The following HSPBAP1 variants were observed in gnomAD, a reference collection of about 807,000 sequenced individuals.
HSPBAP1 encodes the protein HSPB1-associated protein 1.
A neutral mutation model predicts 45.2 loss-of-function variants in HSPBAP1; 27 were observed. The ratio of observed to expected loss-of-function variants is 0.60; its 90% CI spans 0.44 to 0.82. HSPBAP1 has a LOEUF of 0.82. HSPBAP1 is among the 40% of genes least tolerant of loss of function. The pLI, the probability that HSPBAP1 is intolerant of heterozygous loss-of-function variation, is 0.00. For missense variants in HSPBAP1, 510 were observed against 590.9 expected (o/e 0.86, Z 1.42); for synonymous variants, 204 against 202.7 (o/e 1.01, Z -0.06).
In HSPBAP1 at chr3:122,777,715, T is replaced by C. The variant is rs759453844; in HGVS notation, c.250+6A>G. On this transcript the variant is annotated splice_donor_region_variant and intron_variant, in intron 2 of 7. Coordinates refer to ENST00000306103, the MANE Select transcript of HSPBAP1 (RefSeq NM_024610.6). The stretch of plus-strand genomic sequence containing the variant: ...ACATTATGATGGTGATTACCTATAG[T>C]CATACCTGTGCTCATGCTTTTCATC... 6.2e-7 allele frequency: 1 copy of C among 1,607,314 alleles called. No homozygotes were observed. The highest frequency in any genetic ancestry group is 8.5e-7 in the Non-Finnish European group (1 of 1,174,456).
At chr3:122,773,303 G>GC (rs1935068087) in intron 2 of HSPBAP1, among the ~76,000 whole-genome samples, 1 of 84,424 alleles carries the variant, frequency 1.2e-5, no homozygotes, top group African/African-American at 4.7e-5. Flanking sequence ...AAATAAATGT[G>GC]TTTTTTTTTT....
intron 6 of HSPBAP1, among the ~76,000 whole-genome samples, chr3:122,747,774 C>G (rs1171063601): frequency 1.4e-5 from 2 of 143,454 alleles, no homozygotes; most frequent in Middle Eastern, 3.8e-3. Flanking sequence ...GTCAGCCCCC[C>G]GCCCGGCCAG....
chr3:122,766,316 TAAG>T (rs1934779438), intron 3 of HSPBAP1, among the ~76,000 whole-genome samples: 2 of 152,178 alleles, frequency 1.3e-5, no homozygotes, highest in Admixed American at 6.5e-5. Context: ...CAGCAAGTAA[TAAG>T]ACTTGGTGGC....
chr3:122,777,961 C>A, intron 1 of HSPBAP1, 55 bp from the exon 2 acceptor site: 1 of 1,178,646 alleles, frequency 8.5e-7, no homozygotes, highest in South Asian at 1.4e-5. Context: ...TTTTTTCATA[C>A]AATATGGAGA....
chr3:122,754,956 C>A (rs1050257106), intron 5 of HSPBAP1: 18 of 1,057,334 alleles, frequency 1.7e-5, no homozygotes, highest in Middle Eastern at 4.2e-4. Flanking sequence ...ATGCCTTGAA[C>A]ATTTTCTCCT....
intron 1 of HSPBAP1, among the ~76,000 whole-genome samples, chr3:122,780,029 T>C (rs1471615119): frequency 6.6e-6 from 1 of 152,052 alleles, no homozygotes; most frequent in Non-Finnish European, 1.5e-5. Flanking sequence ...TGGGTACACC[T>C]CCCAGATGGG....
Position 122,781,361 on chromosome 3 carries a change from C to T in HSPBAP1, c.65-3455G>A, listed in dbSNP as rs556892436. On this transcript the variant is annotated intron_variant, in intron 1 of 7. Coordinates refer to ENST00000306103, the MANE Select transcript of HSPBAP1 (RefSeq NM_024610.6). ...CGTGGTTAGGAGCTGGAGACCGGCC[C>T]GGCCAACACAGCGAAACCCCGTCTC... Among the ~76,000 whole-genome samples, 5 of 152,304 alleles carry T rather than the reference C, an allele frequency of 3.3e-5. No individual in the cohort carries two copies. In the East Asian group the frequency reaches 5.8e-4, roughly 18 times the overall value.
At chr3:122,779,519 T>TATTTATTTATTC (rs1251648757) in intron 1 of HSPBAP1, among the ~76,000 whole-genome samples, 1 of 149,414 alleles carries the variant, frequency 6.7e-6, no homozygotes, top group African/African-American at 2.4e-5. Context: ...TTTATTTATT[T>TATTTATTTATTC]ATTTTTTATT....
Position 122,759,312 on chromosome 3 carries a change from T to C in HSPBAP1, c.481A>G (p.Ser161Gly). ...FGFPGRNGQESTLWIGSLGAH... is the reference protein window; with the variant it reads ...FGFPGRNGQEGTLWIGSLGAH... ...CCCAAGGAGCCAATCCACAATGTACTTTCCTGTCCATTTCTTCCAGGAAAC... is the reference window on the plus strand; with the variant it reads ...CCCAAGGAGCCAATCCACAATGTACCTTCCTGTCCATTTCTTCCAGGAAAC... The change falls in exon 4 of 8, where the codon AGT (serine) becomes GGT (glycine). Residue 161 changes from serine to glycine, a missense_variant. Coordinates refer to ENST00000306103, the MANE Select transcript of HSPBAP1 (RefSeq NM_024610.6). The C allele has an allele frequency of 1.2e-6, 2 of 1,614,004 alleles. No individual in the cohort carries two copies. The highest frequency in any genetic ancestry group is 1.7e-6 in the Non-Finnish European group (2 of 1,179,878).
intron 6 of HSPBAP1, among the ~76,000 whole-genome samples, chr3:122,747,631 G>C (rs1241432838): frequency 5.4e-5 from 8 of 147,428 alleles, no homozygotes; most frequent in Non-Finnish European, 1.1e-4. Context: ...GGAGGGAGGT[G>C]GGGGGGTCAG....
At chr3:122,779,660 C>G (rs573986700) in intron 1 of HSPBAP1, among the ~76,000 whole-genome samples, 1 of 143,586 alleles carries the variant, frequency 7.0e-6, no homozygotes, top group Non-Finnish European at 1.6e-5. Context: ...TGCGGCCTTC[C>G]GCAGTGTTTG....
intron 5 of HSPBAP1, chr3:122,754,686 A>T: frequency 1.0e-6 from 1 of 985,350 alleles, no homozygotes; most frequent in African/African-American, 1.7e-5. Flanking sequence ...GAAATATCAG[A>T]CAGCAAGTGC....
intron 3 of HSPBAP1, among the ~76,000 whole-genome samples, chr3:122,768,377 T>G (rs1934862597): frequency 6.6e-6 from 1 of 152,164 alleles, no homozygotes; most frequent in Non-Finnish European, 1.5e-5. Context: ...GGACAAGAAC[T>G]TATATGGAGG....
intron 1 of HSPBAP1, 98 bp downstream of exon 1, chr3:122,793,519 C>G (rs1268891839): frequency 1.0e-6 from 1 of 996,020 alleles, no homozygotes; most frequent in East Asian, 2.4e-5. Flanking sequence ...CCAGAGAGAC[C>G]TGGGTTGGGG....
intron 2 of HSPBAP1, among the ~76,000 whole-genome samples, chr3:122,776,721 C>T (rs1363454902): frequency 6.6e-6 from 1 of 152,106 alleles, no homozygotes; most frequent in Non-Finnish European, 1.5e-5. Flanking sequence ...ACAGTTTGGT[C>T]TCTGATTATA....
chr3:122,780,507 C>T lies in HSPBAP1; in HGVS notation c.65-2601G>A, dbSNP rs1935402739. Among the ~76,000 whole-genome samples, 5 of 125,504 alleles carry T rather than the reference C, an allele frequency of 4.0e-5. 1 individual carries two copies. The South Asian group carries it at 1.2e-3, about 31-fold the overall frequency. 82.3% of individuals were successfully genotyped at this position (125,504 alleles called of 152,430 possible). ...GACGGGGCAGCTGGCCGGGCGGGGG[C>T]TGACCCCCCCACCTCCCTCCCGGAC... On this transcript the variant is annotated intron_variant, in intron 1 of 7. Transcript: ENST00000306103.
chr3:122,752,573 A>AC lies in HSPBAP1; in HGVS notation c.825+17_825+18insG. Reference sequence around the variant, plus strand: ...TTTGCACTTACTTAAAAAAAAAAAAAAAACAACGAAAAAGTACCAGTTCAA... The same window carrying AC: ...TTTGCACTTACTTAAAAAAAAAAAAACAAACAACGAAAAAGTACCAGTTCAA... On this transcript the variant is annotated intron_variant, in intron 6 of 7. Coordinates refer to ENST00000306103, the MANE Select transcript of HSPBAP1 (RefSeq NM_024610.6). 6.6e-7 allele frequency: 1 copy of AC among 1,512,964 alleles called. No homozygotes were observed. Among genetic ancestry groups the AC allele is most frequent in the East Asian group, 2.3e-5 (1 of 44,094 alleles). The allele number at this position is 1,512,964 out of a possible 1,614,324, so 93.7% of individuals were successfully genotyped here.
rs113714113 is a variant in HSPBAP1, at chr3:122,793,722, G to A, written c.-42C>T. On this transcript the variant is annotated 5_prime_UTR_variant, in exon 1 of 8. Transcript: ENST00000306103. ...GTTCTGCCGGAACCCAAGGCGGAGC[G>A]GAGCTGGGGTGGGGTCAGAGTAGGG... The A allele has an allele frequency of 2.5e-6, 4 of 1,601,988 alleles. No individual in the cohort carries two copies. Among genetic ancestry groups the A allele is most frequent in the Non-Finnish European group, 3.4e-6 (4 of 1,170,154 alleles).
intron 6 of HSPBAP1, among the ~76,000 whole-genome samples, chr3:122,745,074 T>C (rs1560106134): frequency 6.6e-6 from 1 of 152,062 alleles, no homozygotes; most frequent in Non-Finnish European, 1.5e-5. Context: ...CAGCCGCAAA[T>C]CTAGCATTTC....
Sources: allele counts gnomAD v4.1 joint callset (sites outside exome capture counted in the v4.1 genomes callset), GRCh38; gene constraint gnomAD v4.1.1; transcripts MANE v1.5; gene names NCBI Gene and HGNC (gene_info 2026-07-23, HGNC 2026-07-21).